The following ANXA2 variants were observed in gnomAD, a reference collection of about 807,000 sequenced individuals.
ANXA2 encodes annexin A2.
A neutral mutation model predicts 47.3 loss-of-function variants in ANXA2; 28 were observed. The ratio of observed to expected loss-of-function variants is 0.59; its 90% CI spans 0.44 to 0.81. The LOEUF is 0.81. Among genes scored for constraint, ANXA2 ranks in the 40% least tolerant of loss-of-function variants. The probability of loss-of-function intolerance (pLI) is 0.00; values close to 1 mark genes in which losing one functional copy is unlikely to be tolerated. For missense variants in ANXA2, 384 were observed against 414.3 expected, an observed-to-expected ratio of 0.93 and a Z score of 0.64; for synonymous variants, 172 against 155.5, an observed-to-expected ratio of 1.11 and a Z score of -0.79.
chr15:60,370,407 G>C (rs1203596075), intron 3 of ANXA2, among the ~76,000 whole-genome samples: 3 of 152,188 alleles, frequency 2.0e-5, no homozygotes, highest in Non-Finnish European at 4.4e-5. Context: ...CCTAGTCAAA[G>C]CCACTTAAGT....
intron 8 of ANXA2, 82 bp downstream of exon 8, chr15:60,354,072 T>C (rs2062387950): frequency 1.8e-6 from 2 of 1,103,402 alleles, no homozygotes; most frequent in African/African-American, 1.6e-5. Flanking sequence ...GAGTCATTTG[T>C]CACACAGAGT....
chr15:60,364,621 A>G, intron 3 of ANXA2, 98 bp from the exon 4 acceptor site: 1 of 862,934 alleles, frequency 1.2e-6, no homozygotes, highest in Non-Finnish European at 1.8e-6. Flanking sequence ...TGAAATTTAT[A>G]TACTGTTTTC....
At position 60,357,251 on chromosome 15, in the gene ANXA2, G is replaced by A. The variant is rs185805389; in HGVS notation, c.358-15C>T. On this transcript the variant is annotated splice_polypyrimidine_tract_variant and intron_variant, in intron 5 of 12. Coordinates refer to ENST00000451270, the MANE Select transcript of ANXA2 (RefSeq NM_004039.3). ...GTTCCCAGCCCCTGTGAACCAGGAA[G>A]CACGAACATCAGCAGGGAAATGCTT... 9.3e-4 allele frequency: 1,493 copies of A among 1,609,716 alleles called. 1 individual carries two copies. Among genetic ancestry groups the A allele is most frequent in the Non-Finnish European group, 9.7e-4 (1,141 of 1,176,094 alleles).
intron 3 of ANXA2, among the ~76,000 whole-genome samples, chr15:60,366,838 GAGGGA>G (rs2062621195): frequency 8.9e-6 from 1 of 112,282 alleles, no homozygotes; most frequent in African/African-American, 3.4e-5. Flanking sequence ...CCCCGTCCGG[GAGGGA>G]GGTGGGGGGG....
chr15:60,355,335 C>T, intron 7 of ANXA2: 1 of 169,046 alleles, frequency 5.9e-6, no homozygotes, highest in Non-Finnish European at 1.3e-5. Context: ...TGTGAGTGGG[C>T]CGGACGCACT....
intron 7 of ANXA2, chr15:60,355,541 A>C (rs1243826794): frequency 2.9e-6 from 1 of 340,152 alleles, no homozygotes; most frequent in Non-Finnish European, 5.7e-6. Flanking sequence ...AAATTCTTCC[A>C]TGAGAAGTAA....
At chr15:60,347,770 G>A (rs1053624431) in intron 12 of ANXA2, 81 bp from the exon 13 acceptor site, 18 of 1,190,632 alleles carry the variant, frequency 1.5e-5, no homozygotes, top group South Asian at 1.5e-4. Context: ...TAGCCTCAAC[G>A]CACAATGAAG....
At chr15:60,361,951 A>G (rs999694358) in intron 4 of ANXA2, among the ~76,000 whole-genome samples, 1 of 151,482 alleles carries the variant, frequency 6.6e-6, no homozygotes, top group Non-Finnish European at 1.5e-5. Flanking sequence ...TTGCTTTCTA[A>G]GAGCACCTGT....
At chr15:60,388,851 C>T (rs2062968987) in intron 1 of ANXA2, among the ~76,000 whole-genome samples, 1 of 150,790 alleles carries the variant, frequency 6.6e-6, no homozygotes, top group African/African-American at 2.4e-5. Flanking sequence ...AAGAGATCCT[C>T]CTGCCTCAGC....
At chr15:60,387,228 A>G (rs1309194918) in intron 1 of ANXA2, 1 of 152,142 alleles carries the variant, frequency 6.6e-6, no homozygotes, top group Non-Finnish European at 1.5e-5. Context: ...TATTTTTGCA[A>G]GATTCTCATC....
chr15:60,354,059 T>C lies in ANXA2; in HGVS notation c.588+95A>G, dbSNP rs898973554. Reference sequence around the variant, plus strand: ...GTTTGTTGTTTTAAGCCACAGAGTTTGGGAGTCATTTGTCACACAGAGTTA... The same window carrying C: ...GTTTGTTGTTTTAAGCCACAGAGTTCGGGAGTCATTTGTCACACAGAGTTA... On this transcript the variant is annotated intron_variant, in intron 8 of 12. Coordinates refer to ENST00000451270, the MANE Select transcript of ANXA2 (RefSeq NM_004039.3). 10 of 937,564 alleles carry C rather than the reference T, an allele frequency of 1.1e-5. No individual in the cohort carries two copies. In the South Asian group the frequency reaches 1.5e-4, roughly 14 times the overall value. 58.1% of individuals were successfully genotyped at this position (937,564 alleles called of 1,614,324 possible). A position where few individuals can be genotyped will look rare whatever the true frequency, so the allele number is the denominator to read the frequency against.
chr15:60,357,876 G>A (rs2062457030), intron 5 of ANXA2, among the ~76,000 whole-genome samples: 1 of 151,246 alleles, frequency 6.6e-6, no homozygotes, highest in South Asian at 2.1e-4. Flanking sequence ...CTTTTGCTGT[G>A]GGTAGATAAA....
chr15:60,393,806 C>G (rs2063046022), intron 1 of ANXA2, among the ~76,000 whole-genome samples: 2 of 152,210 alleles, frequency 1.3e-5, no homozygotes, highest in Admixed American at 1.3e-4. Context: ...TCCAACTTAA[C>G]TCCCTCCTGT....
At chr15:60,364,122 G>A (rs140602805) in intron 4 of ANXA2, among the ~76,000 whole-genome samples, 530 of 152,318 alleles carry the variant, frequency 3.5e-3, no homozygotes, top group Non-Finnish European at 6.4e-3. Flanking sequence ...CCTCCTCTCA[G>A]ATCAACGGTG....
chr15:60,375,324 T>C (rs528196357), intron 3 of ANXA2, among the ~76,000 whole-genome samples: 18 of 152,282 alleles, frequency 1.2e-4, no homozygotes, highest in African/African-American at 4.3e-4. Context: ...GGGTAATTCA[T>C]TACCCTCCCC....
intron 3 of ANXA2, among the ~76,000 whole-genome samples, chr15:60,364,984 G>C (rs1453977279): frequency 6.7e-6 from 1 of 149,256 alleles, no homozygotes; most frequent in Non-Finnish European, 1.5e-5. Context: ...GGCTATATAA[G>C]CAGCTAGGTA....
chr15:60,350,420 G>A (rs535969935), intron 11 of ANXA2, among the ~76,000 whole-genome samples: 26 of 152,186 alleles, frequency 1.7e-4, no homozygotes, highest in South Asian at 4.1e-4. Flanking sequence ...TTCTATCATC[G>A]CTCTGTGCCA....
intron 3 of ANXA2, among the ~76,000 whole-genome samples, chr15:60,370,915 T>C (rs939050585): frequency 4.6e-5 from 7 of 152,212 alleles, no homozygotes; most frequent in African/African-American, 1.7e-4. Context: ...GTGTCTGATA[T>C]GAGTGATCAC....
At chr15:60,375,259 G>C (rs2062761194) in intron 3 of ANXA2, among the ~76,000 whole-genome samples, 1 of 152,214 alleles carries the variant, frequency 6.6e-6, no homozygotes, top group South Asian at 2.1e-4. Flanking sequence ...ACCCACTTTT[G>C]CATCCCTTCC....
Sources: gnomAD v4.1 joint callset for allele counts (sites outside exome capture counted in the v4.1 genomes callset) on GRCh38, gnomAD v4.1.1 for gene constraint, MANE v1.5 for transcripts, NCBI Gene and HGNC (gene_info 2026-07-23, HGNC 2026-07-21) for gene names.